The following ERMN variants were observed in gnomAD, a reference collection of about 807,000 sequenced individuals.
The protein encoded by ERMN is ermin.
A neutral mutation model predicts 21.4 loss-of-function variants in ERMN; 17 were observed. The ratio of observed to expected loss-of-function variants is 0.80; its 90% CI spans 0.54 to 1.19. The LOEUF is 1.19. Among genes scored for constraint, ERMN ranks in the 50% most tolerant of loss-of-function variants. The pLI is 0.00. For synonymous variants in ERMN, 115 were observed against 111.9 expected, an observed-to-expected ratio of 1.03 and a Z score of -0.17; for missense variants, 348 against 331.6, an observed-to-expected ratio of 1.05 and a Z score of -0.38.
rs890493900 is a variant in ERMN at position 157,320,744 on chromosome 2, G to A, written c.*527C>T. 1 of 153,148 alleles carries A rather than the reference G, an allele frequency of 6.5e-6. No homozygotes were observed. The highest frequency in any genetic ancestry group is 2.0e-4 in the South Asian group (1 of 4,898). 9.5% of individuals were successfully genotyped at this position (153,148 alleles called of 1,614,324 possible). A position where few individuals can be genotyped will look rare whatever the true frequency, so the allele number is the denominator to read the frequency against. On this transcript the variant is annotated 3_prime_UTR_variant, in exon 3 of 3. Coordinates refer to ENST00000410096, the MANE Select transcript of ERMN (RefSeq NM_020711.3). ...GTTTTCTCTGTAGATGCCAAGGAAA[G>A]CCACTTAACATATTGTTTGGTGATA...
chr2:157,324,732 T>C lies in ERMN; in HGVS notation c.272A>G (p.His91Arg). The C allele has an allele frequency of 2.5e-6, 4 of 1,613,028 alleles. No individual in the cohort carries two copies. Among genetic ancestry groups the C allele is most frequent in the Non-Finnish European group, 3.4e-6 (4 of 1,179,482 alleles). The change falls in exon 2 of 3, where the codon CAT (histidine) becomes CGT (arginine). Residue 91 changes from histidine (H) to arginine (R), a missense_variant. Transcript: ENST00000410096. ...ENPEEKLFIVHKAITDLSLQE... is the reference protein window; with the variant it reads ...ENPEEKLFIVRKAITDLSLQE... ...GAGAGAAAGATCTGTGATAGCCTTATGAACAATAAAGAGTTTCTCTTCTGG... is the reference window on the plus strand; with the variant it reads ...GAGAGAAAGATCTGTGATAGCCTTACGAACAATAAAGAGTTTCTCTTCTGG...
At chr2:157,322,359 T>C (rs1683934943) in intron 2 of ERMN, among the ~76,000 whole-genome samples, 1 of 152,152 alleles carries the variant, frequency 6.6e-6, no homozygotes, top group Non-Finnish European at 1.5e-5. Context: ...GTCTGGTCAC[T>C]TTTCAAACAG....
upstream of ERMN, chr2:157,327,690 A>G (rs1193638411): frequency 1.3e-5 from 7 of 544,688 alleles, no homozygotes; most frequent in Admixed American, 3.2e-5. Context: ...CGGCATTAGC[A>G]CCTTGGCAGT....
intron 2 of ERMN, among the ~76,000 whole-genome samples, 167 bp downstream of exon 2, chr2:157,324,503 C>T (rs1001257458): frequency 6.6e-6 from 1 of 152,140 alleles, no homozygotes; most frequent in Non-Finnish European, 1.5e-5. Context: ...TAAGGTGGAA[C>T]CCACAGATAA....
chr2:157,327,047 A>T (rs1684082933), upstream of ERMN, among the ~76,000 whole-genome samples: 1 of 150,668 alleles, frequency 6.6e-6, no homozygotes, highest in Non-Finnish European at 1.5e-5. Context: ...AATTATATAT[A>T]TACACATATA....
intron 2 of ERMN, 47 bp from the exon 3 acceptor site, chr2:157,321,838 T>C: frequency 6.8e-7 from 1 of 1,475,372 alleles, no homozygotes; most frequent in Non-Finnish European, 9.1e-7. Context: ...GATTCCAAAA[T>C]ACCCAGCCAT....
At chr2:157,323,785 T>A (rs530704117) in intron 2 of ERMN, among the ~76,000 whole-genome samples, 6 of 152,272 alleles carry the variant, frequency 3.9e-5, no homozygotes, top group African/African-American at 1.4e-4. Flanking sequence ...GTCTATTAAG[T>A]TTATTTAAAA....
At chr2:157,322,655 A>G (rs1490056935) in intron 2 of ERMN, among the ~76,000 whole-genome samples, 1 of 152,140 alleles carries the variant, frequency 6.6e-6, no homozygotes. Context: ...GATGTTCACA[A>G]TTCCATTTTC....
upstream of ERMN, chr2:157,327,603 TGCAGCACAG>T (rs1684098592): frequency 2.9e-6 from 2 of 682,906 alleles, no homozygotes; most frequent in Non-Finnish European, 2.7e-6. Context: ...GATGAGAGTT[TGCAGCACAG>T]ATGAAGCTAA....
Position 157,321,595 on chromosome 2 carries a change from C to T in ERMN, c.531G>A (p.Glu177=), listed in dbSNP as rs749356792. Residue 177 remains glutamate, a synonymous_variant, in exon 3 of 3, where the codon GAG becomes GAA. Coordinates refer to ENST00000410096, the MANE Select transcript of ERMN (RefSeq NM_020711.3). ...TTTCTTCATCCCAAACCTTCTGCTC[C>T]TCATCATGTTTAGAATGTAACATGT... ...QADMLHSKHD[E]EQKVWDEEID... 1 of 1,614,046 alleles carries T rather than the reference C, an allele frequency of 6.2e-7. No individual in the cohort carries two copies. The highest frequency in any genetic ancestry group is 8.5e-7 in the Non-Finnish European group (1 of 1,179,976).
At position 157,325,533 on chromosome 2, in the gene ERMN, T is replaced by C; in HGVS notation, c.110A>G (p.Asp37Gly). The change falls in exon 1 of 3, where the codon GAC becomes GGC. Residue 37 changes from aspartate to glycine, a missense_variant. Asp to Gly is a moderately conservative substitution (Grantham distance 94). Transcript: ENST00000410096. The part of the protein sequence containing the change: ...TKISEELTDV[D>G]SPLPHYRVEP... Reference sequence around the variant, plus strand: ...TACCCTGTAGTGTGGCAGGGGGCTGTCCACATCAGTCAATTCCTCACTGAT... The same window carrying C: ...TACCCTGTAGTGTGGCAGGGGGCTGCCCACATCAGTCAATTCCTCACTGAT... 1 of 1,614,188 alleles carries C rather than the reference T, an allele frequency of 6.2e-7. No individual in the cohort carries two copies. The highest frequency in any genetic ancestry group is 8.5e-7 in the Non-Finnish European group (1 of 1,180,024).
At chr2:157,327,039 T>TTA (rs779115594), upstream of ERMN, among the ~76,000 whole-genome samples, 25 of 151,074 alleles carry the variant, frequency 1.7e-4, no homozygotes, top group East Asian at 7.7e-4. Flanking sequence ...ATAAAAATAA[T>TTA]TATATATATA....
chr2:157,320,379 A>C lies in ERMN; in HGVS notation c.*892T>G, dbSNP rs1683854075. ...TCTCTCAGGTTTCTAAGGAAAGAAA[A>C]TTATTCTGAGATACTGTTAATAAGA... On this transcript the variant is annotated 3_prime_UTR_variant, in exon 3 of 3. Transcript: ENST00000410096. 1 of 152,622 alleles carries C rather than the reference A, an allele frequency of 6.6e-6. No individual in the cohort carries two copies. Among genetic ancestry groups the C allele is most frequent in the Non-Finnish European group, 1.5e-5 (1 of 68,028 alleles). The allele number at this position is 152,622 out of a possible 1,614,324, so 9.5% of individuals were successfully genotyped here.
rs746885969 is a variant in ERMN at position 157,321,698 on chromosome 2, T to G, written c.428A>C (p.Glu143Ala). 4 of 1,614,072 alleles carry G rather than the reference T, an allele frequency of 2.5e-6. No individual in the cohort carries two copies. Among genetic ancestry groups the G allele is most frequent in the African/African-American group, 2.7e-5 (2 of 75,040 alleles). The change falls in exon 3 of 3, where the codon GAA (glutamate) becomes GCA (alanine). Residue 143 changes from glutamate (E) to alanine (A), a missense_variant. By Grantham distance (107) the Glu-to-Ala change is moderately radical. Coordinates refer to ENST00000410096, the MANE Select transcript of ERMN (RefSeq NM_020711.3). The stretch of plus-strand genomic sequence containing the variant: ...ACCTTTGTTCTTCCTGTCCTCATCT[T>G]CTTCCTCTTTGAGAGGCTGCTCAGT... ...RITEQPLKEE[E>A]DEDRKNKGHQ...
In ERMN at chr2:157,324,251, A is replaced by G. The variant is rs574190634; in HGVS notation, c.334+419T>C. The G allele has an allele frequency of 8.2e-3, 1,715 of 209,398 alleles. 27 individuals carry two copies. Among genetic ancestry groups the G allele is most frequent in the African/African-American group, 0.038 (1,577 of 41,572 alleles). The allele number at this position is 209,398 out of a possible 1,614,324, so 13.0% of individuals were successfully genotyped here. A position where few individuals can be genotyped will look rare whatever the true frequency, so the allele number is the denominator to read the frequency against. On this transcript the variant is annotated intron_variant, in intron 2 of 2. Transcript: ENST00000410096. ...TGCACCATTGCACTCCAGCCTGGGCAACAAGAGTGACACTCCGTCTCAAAA... is the reference window on the plus strand; with the variant it reads ...TGCACCATTGCACTCCAGCCTGGGCGACAAGAGTGACACTCCGTCTCAAAA...
In ERMN at chr2:157,320,977, G is replaced by A. The variant is rs16841611; in HGVS notation, c.*294C>T. 43,528 of 299,064 alleles carry A rather than the reference G, an allele frequency of 0.15. 8,161 individuals are homozygous for A. The highest frequency in any genetic ancestry group is 0.56 in the African/African-American group (25,845 of 45,810). The allele number at this position is 299,064 out of a possible 1,614,324, so 18.5% of individuals were successfully genotyped here. Reference sequence around the variant, plus strand: ...TCCAAGCATTGCTACATTTATAGCCGAATTATGCCAGATTCCCCCAGGGGA... The same window carrying A: ...TCCAAGCATTGCTACATTTATAGCCAAATTATGCCAGATTCCCCCAGGGGA... On this transcript the variant is annotated 3_prime_UTR_variant, in exon 3 of 3. Coordinates refer to ENST00000410096, the MANE Select transcript of ERMN (RefSeq NM_020711.3).
upstream of ERMN, chr2:157,327,190 G>T (rs1264830608): frequency 4.5e-6 from 1 of 222,356 alleles, no homozygotes; most frequent in Non-Finnish European, 8.8e-6. Flanking sequence ...GTGTTGAAGA[G>T]TTGTAGTAAG....
chr2:157,321,343 T>C lies in ERMN; in HGVS notation c.783A>G (p.Ile261Met). ...TTCCCTTTCTGATTTTCCGATAGGA[T>C]ATTGTATTGTATCTGGAATAAGCAT... ...SRNAYSRYNT[I>M]SYRKIRKGNT... Residue 261 changes from isoleucine to methionine, a missense_variant, in exon 3 of 3, where the codon ATA (isoleucine) becomes ATG (methionine). Transcript: ENST00000410096. 6.2e-7 allele frequency: 1 copy of C among 1,614,108 alleles called. No individual in the cohort carries two copies. Among genetic ancestry groups the C allele is most frequent in the Non-Finnish European group, 8.5e-7 (1 of 1,179,966 alleles).
chr2:157,325,177 A>C (rs371263924), intron 1 of ERMN: 15 of 683,346 alleles, frequency 2.2e-5, no homozygotes, highest in East Asian at 3.1e-5. Flanking sequence ...TCTAGTGAAA[A>C]AAACTCAGGC....
Sources: gnomAD v4.1 joint callset for allele counts (sites outside exome capture counted in the v4.1 genomes callset) on GRCh38, gnomAD v4.1.1 for gene constraint, MANE v1.5 for transcripts, NCBI Gene and HGNC (gene_info 2026-07-23, HGNC 2026-07-21) for gene names.